Variants in VPS35L observed in about 807,000 individuals in gnomAD.
The protein encoded by VPS35L is VPS35 endosomal protein sorting factor like.
A neutral mutation model predicts 133.0 loss-of-function variants in VPS35L; 83 were observed. The observed-to-expected ratio is 0.62, with a 90% CI of 0.52 to 0.75. VPS35L has a LOEUF of 0.75. Ranked by LOEUF, VPS35L falls within the 30% of genes least tolerant of loss-of-function variation. The pLI, the probability that VPS35L is intolerant of heterozygous loss-of-function variation, is 0.00. For synonymous variants in VPS35L, 423 were observed against 449.9 expected, an observed-to-expected ratio of 0.94 and a Z score of 0.76; for missense variants, 1,083 against 1,206.8, an observed-to-expected ratio of 0.90 and a Z score of 1.52.
intron 2 of VPS35L, among the ~76,000 whole-genome samples, chr16:19,566,657 C>T (rs1290940571): frequency 6.6e-6 from 1 of 152,102 alleles, no homozygotes; most frequent in African/African-American, 2.4e-5. Flanking sequence ...AGGAAAGTGA[C>T]ATTCAGAAAA....
chr16:19,670,536 A>AC (rs1239956257), intron 27 of VPS35L, among the ~76,000 whole-genome samples: 8 of 152,236 alleles, frequency 5.3e-5, no homozygotes, highest in Admixed American at 5.2e-4. Context: ...ATGCCTCTGC[A>AC]CATAGTAAAC....
intron 1 of VPS35L, among the ~76,000 whole-genome samples, chr16:19,560,053 C>T (rs761962862): frequency 3.3e-5 from 5 of 152,120 alleles, no homozygotes; most frequent in Non-Finnish European, 7.4e-5. Flanking sequence ...AAATAAAATT[C>T]GTTCCAAAAC....
intron 2 of VPS35L, among the ~76,000 whole-genome samples, chr16:19,568,772 A>G (rs1174505322): frequency 6.6e-6 from 1 of 152,102 alleles, no homozygotes; most frequent in Non-Finnish European, 1.5e-5. Context: ...CAGCCTTCTG[A>G]GTAGCTGGGA....
intron 12 of VPS35L, 154 bp downstream of exon 12, chr16:19,610,569 A>G (rs1972684450): frequency 4.0e-6 from 2 of 496,112 alleles, no homozygotes. Flanking sequence ...CACAGAAAGT[A>G]GAACTGTAGG....
At chr16:19,688,670 G>C (rs556719169) in intron 28 of VPS35L, among the ~76,000 whole-genome samples, 1 of 152,318 alleles carries the variant, frequency 6.6e-6, no homozygotes, top group South Asian at 2.1e-4. Flanking sequence ...TGGGGGTTCA[G>C]ATGCTGAACT....
rs971628716 is a variant in VPS35L at position 19,639,989 on chromosome 16, A to G, written c.1699-26A>G. 1.3e-6 allele frequency: 2 copies of G among 1,582,724 alleles called. No individual in the cohort carries two copies. Among genetic ancestry groups the G allele is most frequent in the Non-Finnish European group, 1.7e-6 (2 of 1,151,964 alleles). On this transcript the variant is annotated intron_variant, in intron 20 of 30. Coordinates refer to ENST00000417362, the MANE Select transcript of VPS35L (RefSeq NM_020314.7). This position sits in a 1 kb window ranked among gnomAD's most constrained non-coding sequence, Gnocchi z 4.1. The stretch of plus-strand genomic sequence containing the variant: ...CCTTCCAATAACTTGTGTCATTTGC[A>G]TATAGAGTGCTTGCTTTATTTATAG...
chr16:19,682,540 A>G (rs1164054845), intron 28 of VPS35L, 150 bp downstream of exon 28: 6 of 919,968 alleles, frequency 6.5e-6, no homozygotes, highest in Non-Finnish European at 8.0e-6. Flanking sequence ...TACCTGATCT[A>G]AGATTTACCT....
intron 14 of VPS35L, among the ~76,000 whole-genome samples, chr16:19,621,336 G>GA (rs1260012738): frequency 6.6e-6 from 1 of 152,192 alleles, no homozygotes; most frequent in African/African-American, 2.4e-5. Context: ...GGGAGGGGGG[G>GA]ACATTCGCAT....
intron 1 of VPS35L, among the ~76,000 whole-genome samples, chr16:19,564,040 A>G (rs184545945): frequency 2.0e-3 from 301 of 152,318 alleles, no homozygotes; most frequent in Middle Eastern, 6.8e-3. Flanking sequence ...GGTGTGTGGC[A>G]TAACAAGTCC....
At chr16:19,604,088 C>T (rs1356888003) in intron 9 of VPS35L, among the ~76,000 whole-genome samples, 1 of 151,414 alleles carries the variant, frequency 6.6e-6, no homozygotes, top group Non-Finnish European at 1.5e-5. Flanking sequence ...CCATTGGCAG[C>T]AAACTTGAGC....
intron 27 of VPS35L, among the ~76,000 whole-genome samples, chr16:19,676,194 G>C (rs1975057263): frequency 6.6e-6 from 1 of 152,158 alleles, no homozygotes; most frequent in African/African-American, 2.4e-5. Context: ...GGAGGTTGTA[G>C]TGAGCCAAGA....
chr16:19,569,102 C>T (rs1324747002), intron 2 of VPS35L: 1 of 471,318 alleles, frequency 2.1e-6, no homozygotes, highest in South Asian at 1.8e-5. Context: ...GCTTAAGTTC[C>T]ATTTTGCTAC....
chr16:19,671,743 C>A (rs1974883209), intron 27 of VPS35L, among the ~76,000 whole-genome samples: 1 of 152,080 alleles, frequency 6.6e-6, no homozygotes, highest in Non-Finnish European at 1.5e-5. Context: ...TGCCACTGTA[C>A]TCCAGCCTGG....
chr16:19,692,051 T>C lies in VPS35L; in HGVS notation c.2646+580T>C, dbSNP rs567081524. 2.0e-4 allele frequency among the ~76,000 whole-genome samples: 30 copies of C among 152,014 alleles called. No homozygotes were observed. In the South Asian group the frequency reaches 2.7e-3, roughly 14 times the overall value. On this transcript the variant is annotated intron_variant, in intron 29 of 30. Coordinates refer to ENST00000417362, the MANE Select transcript of VPS35L (RefSeq NM_020314.7). ...CACCACACCTGGCTTATTTTTTGTA[T>C]TTTTTTAGTAGAGATGGGGTTTCAC...
intron 1 of VPS35L, among the ~76,000 whole-genome samples, chr16:19,563,401 T>G (rs1036131402): frequency 1.3e-5 from 2 of 152,214 alleles, no homozygotes; most frequent in Admixed American, 1.3e-4. Context: ...GTTTATTTGC[T>G]TTTGTACTTG....
In VPS35L at chr16:19,562,614, A is replaced by G. The variant is rs147318277; in HGVS notation, c.18-2237A>G. Among the ~76,000 whole-genome samples the G allele has an allele frequency of 3.3e-5, 5 of 152,306 alleles. No individual in the cohort carries two copies. The East Asian group carries it at 9.7e-4, about 29-fold the overall frequency. On this transcript the variant is annotated intron_variant, in intron 1 of 30. Coordinates refer to ENST00000417362, the MANE Select transcript of VPS35L (RefSeq NM_020314.7). ...CACATTGCATAAACAATTTGGTTAA[A>G]TATGTGAGTTAAAAAAGATTTTAAA...
At chr16:19,650,931 T>C (rs1337805194) in intron 25 of VPS35L, among the ~76,000 whole-genome samples, 7 of 151,998 alleles carry the variant, frequency 4.6e-5, no homozygotes, top group Non-Finnish European at 1.5e-5. Context: ...CAGGCTGGAG[T>C]GCAGTGACGT....
chr16:19,590,996 G>A (rs1008530845), intron 7 of VPS35L, among the ~76,000 whole-genome samples: 2 of 151,956 alleles, frequency 1.3e-5, no homozygotes, highest in Non-Finnish European at 2.9e-5. Flanking sequence ...AAATAGTCCT[G>A]AACATGGCTG....
chr16:19,609,579 C>T (rs992605171), intron 11 of VPS35L, among the ~76,000 whole-genome samples: 2 of 152,156 alleles, frequency 1.3e-5, no homozygotes, highest in African/African-American at 2.4e-5. Context: ...AGTTACAGGA[C>T]GTGGGGGACC....
Sources: gnomAD v4.1 joint callset for allele counts (sites outside exome capture counted in the v4.1 genomes callset) on GRCh38, gnomAD v4.1.1 for gene constraint, Gnocchi (gnomAD v3.1) non-coding constraint, MANE v1.5 for transcripts, NCBI Gene and HGNC (gene_info 2026-07-23, HGNC 2026-07-21) for gene names.